The following WASHC4 variants were observed in gnomAD, a reference collection of about 807,000 sequenced individuals.
WASHC4 encodes the protein WASH complex subunit 4.
In WASHC4, 86 loss-of-function variants were observed where a neutral mutation model predicts 166.6. The ratio of observed to expected loss-of-function variants is 0.52; its 90% CI spans 0.43 to 0.62. WASHC4 has a LOEUF of 0.62. WASHC4 is among the 20% of genes least tolerant of loss of function. WASHC4 has a pLI of 0.00. For missense variants in WASHC4, 1,262 were observed against 1,382.4 expected (o/e 0.91, Z 1.38); for synonymous variants, 446 against 451.6 (o/e 0.99, Z 0.16).
rs753870045 is a variant in WASHC4 at position 105,118,506 on chromosome 12, G to C, written c.496G>C (p.Ala166Pro). Residue 166 changes from alanine to proline, a missense_variant, in exon 7 of 33, where the codon GCT (alanine) becomes CCT (proline). Physicochemically the swap from Ala to Pro is conservative, Grantham distance 27 (BLOSUM62 -1). Transcript: ENST00000332180. ...GGTGATGAACGTAGTCCACCAGTTGGCTGCCCTCTATATCAGTAACAAGTA... is the reference window on the plus strand; with the variant it reads ...GGTGATGAACGTAGTCCACCAGTTGCCTGCCCTCTATATCAGTAACAAGTA... Reference protein sequence around the residue: ...EVVMNVVHQLAALYISNKIAP... With the variant: ...EVVMNVVHQLPALYISNKIAP... 4 of 1,610,630 alleles carry C rather than the reference G, an allele frequency of 2.5e-6. No individual in the cohort carries two copies. Among genetic ancestry groups the C allele is most frequent in the Non-Finnish European group, 2.5e-6 (3 of 1,176,932 alleles).
At chr12:105,137,294 C>T (rs10459207) in intron 14 of WASHC4, among the ~76,000 whole-genome samples, 26,914 of 151,980 alleles carry the variant, frequency 0.18, 3,374 homozygotes, top group African/African-American at 0.36. Context: ...TCTCATTGGG[C>T]TGGAAGGAGA....
intron 24 of WASHC4, 24 bp from the exon 25 acceptor site, chr12:105,149,591 A>G (rs1272231978): frequency 1.5e-6 from 2 of 1,347,376 alleles, no homozygotes; most frequent in South Asian, 2.5e-5. Context: ...ACTTTTTTCA[A>G]CTTTTTGAAT....
Position 105,168,693 on chromosome 12 carries a change from GAC to G in WASHC4, c.*1764_*1765del, listed in dbSNP as rs1409982645. 3.3e-5 allele frequency: 5 copies of G among 151,848 alleles called. No individual in the cohort carries two copies. The highest frequency in any genetic ancestry group is 7.4e-5 in the Non-Finnish European group (5 of 67,894). 9.4% of individuals were successfully genotyped at this position (151,848 alleles called of 1,614,324 possible). On this transcript the variant is annotated 3_prime_UTR_variant, in exon 33 of 33. Transcript: ENST00000332180. ...ACCTACAGTTGAGAAGAAAATGACA[GAC>G]AATTATTTTTCCTTTAGGTCAAAAT...
At position 105,120,660 on chromosome 12, in the gene WASHC4, G is replaced by A. The variant is rs1880647602; in HGVS notation, c.561+63G>A. ...ATTACTATATTTTACTTTGGAGTTT[G>A]TATGGTTGGAGAGTATGACAGTCAT... On this transcript the variant is annotated intron_variant, in intron 8 of 32. Coordinates refer to ENST00000332180, the MANE Select transcript of WASHC4 (RefSeq NM_015275.3). 3 of 1,167,646 alleles carry A rather than the reference G, an allele frequency of 2.6e-6. No individual in the cohort carries two copies. The Admixed American group carries it at 5.1e-5, about 20-fold the overall frequency. 72.3% of individuals were successfully genotyped at this position (1,167,646 alleles called of 1,614,324 possible). A position where few individuals can be genotyped will look rare whatever the true frequency, so the allele number is the denominator to read the frequency against.
intron 2 of WASHC4, among the ~76,000 whole-genome samples, chr12:105,112,215 CAT>C (rs1184511516): frequency 1.3e-5 from 2 of 152,154 alleles, no homozygotes; most frequent in Admixed American, 6.5e-5. Flanking sequence ...TATGTTGTCA[CAT>C]GTTTTTAGTA....
At chr12:105,117,602 T>C (rs1880309795) in intron 6 of WASHC4, among the ~76,000 whole-genome samples, 1 of 152,204 alleles carries the variant, frequency 6.6e-6, no homozygotes, top group South Asian at 2.1e-4. Flanking sequence ...ACATCATATT[T>C]AGATCTCACA....
chr12:105,142,423 G>C, intron 18 of WASHC4, 30 bp from the exon 19 acceptor site: 1 of 1,248,250 alleles, frequency 8.0e-7, no homozygotes, highest in Non-Finnish European at 1.2e-6. Flanking sequence ...CTTCAGTTTT[G>C]GTGTGACTGA....
intron 30 of WASHC4, 62 bp from the exon 31 acceptor site, chr12:105,164,046 TGAA>T: frequency 7.3e-7 from 1 of 1,369,960 alleles, no homozygotes; most frequent in Non-Finnish European, 1.0e-6. Context: ...GAATTATTGG[TGAA>T]GGAGTAGAAT....
At position 105,137,948 on chromosome 12, in the gene WASHC4, C is replaced by T. The variant is rs2135783288; in HGVS notation, c.1389C>T (p.Ser463=). 2 of 1,612,632 alleles carry T rather than the reference C, an allele frequency of 1.2e-6. No individual in the cohort carries two copies. The highest frequency in any genetic ancestry group is 3.3e-5 in the Admixed American group (2 of 60,008). The change falls in exon 15 of 33, where the codon TCC becomes TCT. Residue 463 remains serine, a synonymous_variant. Coordinates refer to ENST00000332180, the MANE Select transcript of WASHC4 (RefSeq NM_015275.3). ...AAACCACAATGAATCTCTACATGTC[C>T]ATGCAAAAGCCAATGACCAAAACCT... ...IIKTTMNLYM[S]MQKPMTKTSV...
intron 1 of WASHC4, among the ~76,000 whole-genome samples, chr12:105,109,235 A>G (rs917342017): frequency 6.6e-6 from 1 of 152,196 alleles, no homozygotes; most frequent in African/African-American, 2.4e-5. Context: ...GTACCTTGTC[A>G]TATATGTTTT....
rs3763992 is a variant in WASHC4 at position 105,157,278 on chromosome 12, A to G, written c.2868A>G (p.Leu956=). The G allele has an allele frequency of 3.3e-3, 5,149 of 1,568,096 alleles. 254 individuals are homozygous for G. The East Asian group carries it at 0.096, about 29-fold the overall frequency. ...DLEDIVNFEE[L]VKEEGLAEET... Reference sequence around the variant, plus strand: ...AAGATATTGTAAATTTTGAAGAACTAGTAAAAGAAGAAGGTCTTGCAGAAG... The same window carrying G: ...AAGATATTGTAAATTTTGAAGAACTGGTAAAAGAAGAAGGTCTTGCAGAAG... The change falls in exon 28 of 33, where the codon CTA becomes CTG. Residue 956 remains leucine, a synonymous_variant. Transcript: ENST00000332180.
chr12:105,136,175 G>C (rs1008500242), intron 14 of WASHC4, among the ~76,000 whole-genome samples: 1 of 152,116 alleles, frequency 6.6e-6, no homozygotes, highest in Non-Finnish European at 1.5e-5. Context: ...TGCCAACTCA[G>C]AACTTAGGTG....
intron 13 of WASHC4, among the ~76,000 whole-genome samples, chr12:105,132,795 TG>T (rs1881974414): frequency 2.6e-5 from 2 of 76,738 alleles, no homozygotes; most frequent in Admixed American, 1.1e-4. Context: ...GTAGTGTGTG[TG>T]TGTGTGTGTG....
chr12:105,111,465 A>G lies in WASHC4; in HGVS notation c.201+201A>G, dbSNP rs1319910176. On this transcript the variant is annotated intron_variant, in intron 2 of 32. Transcript: ENST00000332180. ...GTGTGTTTTCTGTTTAAGAATGACAAACACACAGCCTTTAGTGTCAAAGAA... is the reference window on the plus strand; with the variant it reads ...GTGTGTTTTCTGTTTAAGAATGACAGACACACAGCCTTTAGTGTCAAAGAA... Among the ~76,000 whole-genome samples, 4 of 152,224 alleles carry G rather than the reference A, an allele frequency of 2.6e-5. No homozygotes were observed. In the East Asian group the frequency reaches 5.8e-4, roughly 22 times the overall value.
chr12:105,119,090 C>T (rs945280378), intron 7 of WASHC4, among the ~76,000 whole-genome samples: 18 of 152,158 alleles, frequency 1.2e-4, no homozygotes, highest in Admixed American at 3.3e-4. Flanking sequence ...TGAGTTCATC[C>T]GGAGGAAACA....
intron 2 of WASHC4, among the ~76,000 whole-genome samples, chr12:105,113,312 G>A (rs1555231862): frequency 6.6e-6 from 1 of 151,720 alleles, no homozygotes; most frequent in Non-Finnish European, 1.5e-5. Flanking sequence ...GGGCTTTAAG[G>A]GCCTCTTCTA....
intron 2 of WASHC4, among the ~76,000 whole-genome samples, chr12:105,112,108 A>G (rs1036566039): frequency 6.6e-6 from 1 of 152,112 alleles, no homozygotes; most frequent in African/African-American, 2.4e-5. Context: ...TTTTATCTCT[A>G]TGTGTTTGTC....
rs910878391 is a variant in WASHC4, at chr12:105,156,782, A to C, written c.2815A>C (p.Asn939His). 2 of 1,612,074 alleles carry C rather than the reference A, an allele frequency of 1.2e-6. No homozygotes were observed. The highest frequency in any genetic ancestry group is 2.7e-5 in the African/African-American group (2 of 74,880). The change falls in exon 27 of 33, where the codon AAT (asparagine) becomes CAT (histidine). Residue 939 changes from asparagine (N) to histidine (H), a missense_variant. Physicochemically the swap from Asn to His is moderately conservative, Grantham distance 68. Coordinates refer to ENST00000332180, the MANE Select transcript of WASHC4 (RefSeq NM_015275.3). ...ATCTGGTGGTCTTCATTGTAGCAGC[A>C]ATGCCATTAGGTATGGATGCAAACA... is the stretch of plus-strand genomic sequence containing the variant. ...IRSGGLHCSSNAIRFVPDLED... is the reference protein window; with the variant it reads ...IRSGGLHCSSHAIRFVPDLED...
intron 20 of WASHC4, among the ~76,000 whole-genome samples, chr12:105,143,755 G>A (rs959901261): frequency 6.6e-6 from 1 of 151,836 alleles, no homozygotes; most frequent in Non-Finnish European, 1.5e-5. Context: ...ATTTTTATTT[G>A]GAGGGAGGAA....
Sources: allele counts gnomAD v4.1 joint callset (sites outside exome capture counted in the v4.1 genomes callset), GRCh38; gene constraint gnomAD v4.1.1; transcripts MANE v1.5; gene names NCBI Gene and HGNC (gene_info 2026-07-23, HGNC 2026-07-21).